Variants in CNTN4 observed in about 807,000 individuals in gnomAD.
CNTN4 encodes contactin-4.
CNTN4 carries 77 observed loss-of-function variants against 122.5 expected under a neutral mutation model. The ratio of observed to expected loss-of-function variants is 0.63; its 90% CI spans 0.52 to 0.76. The LOEUF (loss-of-function observed/expected upper bound fraction) is 0.76, where lower values mean the gene tolerates loss of function less well. CNTN4 is among the 30% of genes least tolerant of loss of function. The probability of loss-of-function intolerance (pLI) is 0.00; values close to 1 mark genes in which losing one functional copy is unlikely to be tolerated. For synonymous variants in CNTN4, 512 were observed against 447.0 expected, an observed-to-expected ratio of 1.15 and a Z score of -1.83; for missense variants, 1,256 against 1,259.1, an observed-to-expected ratio of 1.00 and a Z score of 0.04.
intron 14 of CNTN4, among the ~76,000 whole-genome samples, chr3:3,010,690 G>A (rs911135361): frequency 2.0e-5 from 3 of 152,088 alleles, no homozygotes; most frequent in Non-Finnish European, 4.4e-5. Context: ...CAGCATGGAC[G>A]AGGAGGGCGC....
chr3:2,963,319 T>C (rs1237533253), intron 13 of CNTN4, among the ~76,000 whole-genome samples: 1 of 152,214 alleles, frequency 6.6e-6, no homozygotes, highest in Non-Finnish European at 1.5e-5. Context: ...ATATTTATAA[T>C]ACTATACACT....
chr3:2,113,807 C>T (rs140607753), intron 2 of CNTN4, among the ~76,000 whole-genome samples: 2 of 152,146 alleles, frequency 1.3e-5, no homozygotes, highest in African/African-American at 4.8e-5. Context: ...AACATGTTGT[C>T]ATCACTTTTT....
intron 13 of CNTN4, among the ~76,000 whole-genome samples, chr3:2,945,867 A>G (rs1411819131): frequency 1.3e-5 from 2 of 152,198 alleles, no homozygotes; most frequent in African/African-American, 2.4e-5. Context: ...CCCATTATAT[A>G]TACATCACAA....
chr3:2,520,780 T>C (rs949589980), intron 3 of CNTN4, among the ~76,000 whole-genome samples: 1 of 152,092 alleles, frequency 6.6e-6, no homozygotes. Context: ...CTGGGCTGTT[T>C]AAGCACAGTC....
rs137967720 is a variant in CNTN4, at chr3:2,421,837, A to G, written c.-89+82604A>G. On this transcript the variant is annotated intron_variant, in intron 3 of 24. Coordinates refer to ENST00000418658, the MANE Select transcript of CNTN4 (RefSeq NM_175607.3). ...ACTCATCTTTTGAGCTAACAATGCT[A>G]TTCTCATTCTACTAAGGAGAAACTT... Among the ~76,000 whole-genome samples the G allele has an allele frequency of 1.6e-3, 238 of 152,334 alleles. 1 individual carries two copies. The highest frequency in any genetic ancestry group is 5.2e-3 in the African/African-American group (216 of 41,580).
intron 3 of CNTN4, among the ~76,000 whole-genome samples, chr3:2,358,654 A>T (rs920440077): frequency 6.6e-6 from 1 of 152,160 alleles, no homozygotes; most frequent in Non-Finnish European, 1.5e-5. Flanking sequence ...TAGCAGGTAT[A>T]AGTGAGAATT....
At chr3:2,141,240 A>G (rs1433794717) in intron 2 of CNTN4, among the ~76,000 whole-genome samples, 2 of 152,202 alleles carry the variant, frequency 1.3e-5, no homozygotes, top group Non-Finnish European at 2.9e-5. Flanking sequence ...GGACTCTGCC[A>G]ATATGATGAA....
intron 6 of CNTN4, among the ~76,000 whole-genome samples, chr3:2,768,719 A>G (rs1458933938): frequency 6.6e-6 from 1 of 152,152 alleles, no homozygotes; most frequent in Admixed American, 6.5e-5. Context: ...CCAAGCCAGC[A>G]CTTTATGCCT....
intron 2 of CNTN4, among the ~76,000 whole-genome samples, chr3:2,258,540 GATA>G (rs1199978123): frequency 2.6e-5 from 4 of 152,060 alleles, no homozygotes; most frequent in Non-Finnish European, 5.9e-5. Context: ...AAAACAACTG[GATA>G]ATGTTTTCCT....
chr3:2,263,236 C>T (rs753026009), intron 2 of CNTN4, among the ~76,000 whole-genome samples: 7 of 152,074 alleles, frequency 4.6e-5, no homozygotes, highest in East Asian at 1.9e-4. Context: ...TTGTGAACTA[C>T]ATGTGGGCAA....
chr3:2,578,904 T>G (rs888320355), intron 4 of CNTN4, among the ~76,000 whole-genome samples: 11 of 152,142 alleles, frequency 7.2e-5, no homozygotes, highest in Non-Finnish European at 1.2e-4. Context: ...GGAAGTATAC[T>G]TAGAAAATAA....
At chr3:2,462,585 G>A (rs904183456) in intron 3 of CNTN4, among the ~76,000 whole-genome samples, 26 of 152,214 alleles carry the variant, frequency 1.7e-4, no homozygotes, top group African/African-American at 5.8e-4. Flanking sequence ...TGCAGATTTT[G>A]TATGCCTTTT....
At chr3:2,423,035 C>T (rs765953423) in intron 3 of CNTN4, among the ~76,000 whole-genome samples, 61 of 152,072 alleles carry the variant, frequency 4.0e-4, no homozygotes, top group African/African-American at 9.9e-4. Context: ...GCATGTAAAG[C>T]GACTGCGTTG....
At chr3:2,289,180 T>C (rs957393539) in intron 2 of CNTN4, among the ~76,000 whole-genome samples, 4 of 152,184 alleles carry the variant, frequency 2.6e-5, no homozygotes, top group African/African-American at 9.7e-5. Context: ...AGAAATATTA[T>C]TTTAAAAAGA....
At chr3:2,712,521 T>G (rs1403816366) in intron 4 of CNTN4, among the ~76,000 whole-genome samples, 1 of 152,182 alleles carries the variant, frequency 6.6e-6, no homozygotes, top group Non-Finnish European at 1.5e-5. Context: ...AATATAAGTT[T>G]TATGGAATAC....
intron 2 of CNTN4, among the ~76,000 whole-genome samples, chr3:2,179,621 T>C (rs746163757): frequency 7.4e-4 from 112 of 151,992 alleles, no homozygotes; most frequent in Non-Finnish European, 1.4e-3. Context: ...CATAGTACTC[T>C]CTCTTCAAAA....
intron 3 of CNTN4, among the ~76,000 whole-genome samples, chr3:2,352,292 C>T (rs186292646): frequency 8.9e-4 from 136 of 152,262 alleles, no homozygotes; most frequent in African/African-American, 3.0e-3. Context: ...CCACTCTGGC[C>T]GCACTTGAGG....
chr3:2,762,965 T>C (rs6778928), intron 6 of CNTN4, among the ~76,000 whole-genome samples: 2 of 134,116 alleles, frequency 1.5e-5, no homozygotes, highest in Non-Finnish European at 3.1e-5. Context: ...TTTTTTAGAC[T>C]GAGTCTCGCT....
At chr3:2,184,436 C>G (rs966893246) in intron 2 of CNTN4, among the ~76,000 whole-genome samples, 1 of 152,066 alleles carries the variant, frequency 6.6e-6, no homozygotes, top group Non-Finnish European at 1.5e-5. Flanking sequence ...TTGGTGGAAC[C>G]AGCTTGGGAA....
Sources: allele counts gnomAD v4.1 joint callset (sites outside exome capture counted in the v4.1 genomes callset), GRCh38; gene constraint gnomAD v4.1.1; transcripts MANE v1.5; gene names NCBI Gene and HGNC (gene_info 2026-07-23, HGNC 2026-07-21).